RGS6: variants seen among roughly 807,000 people sequenced by gnomAD.
RGS6 encodes regulator of G-protein signaling 6.
A neutral mutation model predicts 78.5 loss-of-function variants in RGS6; 30 were observed. The ratio of observed to expected loss-of-function variants is 0.38; its 90% CI spans 0.29 to 0.52. The LOEUF (loss-of-function observed/expected upper bound fraction) is 0.52, where lower values mean the gene tolerates loss of function less well. RGS6 is among the 20% of genes least tolerant of loss of function. The pLI is 0.85. For missense variants in RGS6, 495 were observed against 609.7 expected, an observed-to-expected ratio of 0.81 and a Z score of 1.98; for synonymous variants, 206 against 206.0, an observed-to-expected ratio of 1.00 and a Z score of 0.00.
chr14:71,883,896 C>T, the RGS6 span, among the ~76,000 whole-genome samples: 1 of 152,302 alleles, frequency 6.6e-6, no homozygotes, highest in East Asian at 1.9e-4. Flanking sequence ...CCCCCATCCT[C>T]CTTTCCTGGA....
At chr14:72,500,242 T>C (rs1483271585) in intron 13 of RGS6, among the ~76,000 whole-genome samples, 1 of 152,226 alleles carries the variant, frequency 6.6e-6, no homozygotes, top group African/African-American at 2.4e-5. Flanking sequence ...CTGAACTTCA[T>C]GCCTAATCTA....
chr14:72,305,850 T>C (rs2067120000), intron 2 of RGS6, among the ~76,000 whole-genome samples: 1 of 152,192 alleles, frequency 6.6e-6, no homozygotes, highest in East Asian at 1.9e-4. Flanking sequence ...GGAAAGCATG[T>C]CAAAAGCTGA....
chr14:72,108,073 T>C (rs1371260738), intron 2 of RGS6, among the ~76,000 whole-genome samples: 2 of 152,200 alleles, frequency 1.3e-5, no homozygotes, highest in East Asian at 3.8e-4. Context: ...GTCAATGACA[T>C]GACACTTGGT....
At position 71,967,189 on chromosome 14, in the gene RGS6, G is replaced by GTATATATATATATATATATATATA. The variant is rs10571406; in HGVS notation, c.84+2335_84+2336insATATATATATATATATATATATAT. On this transcript the variant is annotated intron_variant, in intron 2 of 17. Transcript: ENST00000553525. Reference sequence around the variant, plus strand: ...TTCGTGTGACAAACTTGTGTAAAGAGTATATATATATATATATATATGTTC... The same window carrying GTATATATATATATATATATATATA: ...TTCGTGTGACAAACTTGTGTAAAGAGTATATATATATATATATATATATATATATATATATATATATATATGTTC... 1.6e-3 allele frequency among the ~76,000 whole-genome samples: 226 copies of GTATATATATATATATATATATATA among 145,762 alleles called. 2 individuals are homozygous for GTATATATATATATATATATATATA. The highest frequency in any genetic ancestry group is 5.5e-3 in the African/African-American group (212 of 38,782).
At chr14:72,327,120 A>AT (rs903698157) in intron 2 of RGS6, among the ~76,000 whole-genome samples, 9 of 152,150 alleles carry the variant, frequency 5.9e-5, no homozygotes, top group African/African-American at 2.2e-4. Flanking sequence ...GATAAAAAGT[A>AT]TTTTTTAATG....
At chr14:71,986,156 T>A (rs1225958169) in intron 2 of RGS6, among the ~76,000 whole-genome samples, 3 of 152,200 alleles carry the variant, frequency 2.0e-5, no homozygotes, top group Non-Finnish European at 4.4e-5. Context: ...ATGACTACAG[T>A]GTTCTCGAAC....
At chr14:72,491,039 G>A (rs1598287682) in intron 12 of RGS6, among the ~76,000 whole-genome samples, 2 of 152,304 alleles carry the variant, frequency 1.3e-5, no homozygotes, top group East Asian at 3.9e-4. Flanking sequence ...AGTAGCATGA[G>A]ATGGCACCTC....
intron 2 of RGS6, among the ~76,000 whole-genome samples, chr14:72,183,708 A>G (rs1018131215): frequency 2.0e-5 from 3 of 152,190 alleles, no homozygotes; most frequent in Non-Finnish European, 2.9e-5. Flanking sequence ...AAAGTTTAAA[A>G]ACAGAGAAGA....
downstream of RGS6, among the ~76,000 whole-genome samples, chr14:72,568,860 T>G (rs924295795): frequency 6.6e-6 from 1 of 152,218 alleles, no homozygotes; most frequent in African/African-American, 2.4e-5. Flanking sequence ...AGGGAACACG[T>G]GGACCTCCAC....
chr14:72,458,631 A>G (rs897721825), intron 5 of RGS6, among the ~76,000 whole-genome samples: 1 of 152,128 alleles, frequency 6.6e-6, no homozygotes, highest in Non-Finnish European at 1.5e-5. Flanking sequence ...CAAAATACCT[A>G]AACTGGGTAT....
At chr14:72,264,523 G>A (rs915294928) in intron 2 of RGS6, among the ~76,000 whole-genome samples, 2 of 152,192 alleles carry the variant, frequency 1.3e-5, no homozygotes, top group African/African-American at 4.8e-5. Context: ...CACCAAAGAA[G>A]ATTTTTACAG....
chr14:72,017,091 G>A (rs1315748284), intron 2 of RGS6, among the ~76,000 whole-genome samples: 1 of 152,062 alleles, frequency 6.6e-6, no homozygotes, highest in Non-Finnish European at 1.5e-5. Flanking sequence ...GGAGTGCAGT[G>A]GTACAATCAT....
intron 2 of RGS6, among the ~76,000 whole-genome samples, chr14:72,127,330 A>G (rs2096219569): frequency 6.6e-6 from 1 of 152,242 alleles, no homozygotes; most frequent in South Asian, 2.1e-4. Context: ...TATGTAAAGG[A>G]GCACTTTGTT....
chr14:72,395,982 G>A (rs1237198610), intron 3 of RGS6, among the ~76,000 whole-genome samples: 16 of 152,092 alleles, frequency 1.1e-4, no homozygotes, highest in South Asian at 4.2e-4. Context: ...GAATAGTGCC[G>A]CAATAAACAT....
At chr14:72,299,007 T>C (rs552935667) in intron 2 of RGS6, among the ~76,000 whole-genome samples, 1 of 152,348 alleles carries the variant, frequency 6.6e-6, no homozygotes, top group East Asian at 1.9e-4. Context: ...AATTTTGTTC[T>C]TTTCAGTCTT....
chr14:72,093,611 A>G (rs575305656), intron 2 of RGS6, among the ~76,000 whole-genome samples: 65 of 152,154 alleles, frequency 4.3e-4, no homozygotes, highest in African/African-American at 1.5e-3. Flanking sequence ...TTTTCCCCCC[A>G]CATAACATGT....
At chr14:72,387,413 G>T (rs1019117450) in intron 3 of RGS6, among the ~76,000 whole-genome samples, 1 of 152,082 alleles carries the variant, frequency 6.6e-6, no homozygotes, top group East Asian at 1.9e-4. Context: ...GCCAGGTATG[G>T]TGGCGGGCGC....
At chr14:72,112,401 C>T (rs758279745) in intron 2 of RGS6, among the ~76,000 whole-genome samples, 12 of 152,138 alleles carry the variant, frequency 7.9e-5, no homozygotes, top group African/African-American at 2.4e-4. Flanking sequence ...AGAGATGCAA[C>T]GCTATGCTCA....
At chr14:71,869,552 C>T in the RGS6 span, among the ~76,000 whole-genome samples, 47,637 of 152,032 alleles carry the variant, frequency 0.31, 7,672 homozygotes, top group South Asian at 0.43. Flanking sequence ...AACAAGCTTC[C>T]CCAACAAAGG....
Sources: allele counts gnomAD v4.1 joint callset (sites outside exome capture counted in the v4.1 genomes callset), GRCh38; gene constraint gnomAD v4.1.1; transcripts MANE v1.5; gene names NCBI Gene and HGNC (gene_info 2026-07-23, HGNC 2026-07-21).